Variants in EXD3 observed in about 807,000 individuals in gnomAD.
EXD3 encodes exonuclease 3'-5' domain containing 3, also known as exonuclease mut-7 homolog.
Under a neutral mutation model 98.0 loss-of-function variants are expected in EXD3, and 92 were observed. The observed-to-expected ratio is 0.94, with a 90% CI of 0.79 to 1.12. EXD3 has a LOEUF of 1.12. Ranked by LOEUF, EXD3 falls within the 50% of genes most tolerant of loss-of-function variation. The probability of loss-of-function intolerance (pLI) is 0.00; values close to 1 mark genes in which losing one functional copy is unlikely to be tolerated. For missense variants in EXD3, 1,222 were observed against 1,191.6 expected (o/e 1.03, Z -0.38); for synonymous variants, 569 against 526.0 (o/e 1.08, Z -1.12).
intron 2 of EXD3, among the ~76,000 whole-genome samples, chr9:137,383,911 G>T (rs192162462): frequency 6.6e-6 from 1 of 152,076 alleles, no homozygotes; most frequent in East Asian, 1.9e-4. Context: ...TGCCCCACAC[G>T]GACAGGGCCA....
chr9:137,350,009 C>G (rs1037522778), intron 14 of EXD3, among the ~76,000 whole-genome samples: 3 of 96,626 alleles, frequency 3.1e-5, no homozygotes, highest in Non-Finnish European at 6.1e-5. Flanking sequence ...GTGGGGATCA[C>G]GGGGAAGGTG....
intron 2 of EXD3, among the ~76,000 whole-genome samples, chr9:137,394,007 G>A (rs76726272): frequency 2.0e-5 from 3 of 152,176 alleles, no homozygotes; most frequent in South Asian, 4.1e-4. Flanking sequence ...CACTGGGGCC[G>A]AGCCCCTGCC....
chr9:137,356,614 T>C (rs1834804559), intron 7 of EXD3, among the ~76,000 whole-genome samples: 1 of 152,174 alleles, frequency 6.6e-6, no homozygotes, highest in Admixed American at 6.6e-5. Flanking sequence ...GATTGTTGAC[T>C]TCTGGGTATT....
intron 17 of EXD3, among the ~76,000 whole-genome samples, chr9:137,325,019 A>C (rs1588250645): frequency 6.6e-6 from 1 of 152,248 alleles, no homozygotes; most frequent in East Asian, 1.9e-4. Context: ...GCTTACAAGA[A>C]AACTCCAGAT....
chr9:137,322,409 G>C (rs1832084003), intron 19 of EXD3, among the ~76,000 whole-genome samples: 1 of 145,508 alleles, frequency 6.9e-6, no homozygotes, highest in Non-Finnish European at 1.5e-5. Flanking sequence ...TCTCACCCCA[G>C]ACCCACGAGG....
intron 17 of EXD3, among the ~76,000 whole-genome samples, chr9:137,326,977 G>A (rs1452974958): frequency 6.6e-6 from 1 of 151,750 alleles, no homozygotes; most frequent in Non-Finnish European, 1.5e-5. Flanking sequence ...AAACCCTTAC[G>A]ACACGCCGAG....
rs192876046 is a variant in EXD3, at chr9:137,323,499, A to C, written c.2184+226T>G. Among the ~76,000 whole-genome samples, 31 of 72,316 alleles carry C rather than the reference A, an allele frequency of 4.3e-4. 1 individual carries two copies. Among genetic ancestry groups the C allele is most frequent in the Admixed American group, 5.7e-4 (4 of 6,986 alleles). 47.4% of individuals were successfully genotyped at this position (72,316 alleles called of 152,430 possible). A position where few individuals can be genotyped will look rare whatever the true frequency, so the allele number is the denominator to read the frequency against. On this transcript the variant is annotated intron_variant, in intron 19 of 21. Coordinates refer to ENST00000340951, the MANE Select transcript of EXD3 (RefSeq NM_017820.5). ...CCCCACCCCGGACCCACGAGGGATG[A>C]TCTGCCGACACCTCACCCCGGACCC... is the stretch of plus-strand genomic sequence containing the variant.
At position 137,393,213 on chromosome 9, in the gene EXD3, A is replaced by C; in HGVS notation, c.55+2090T>G. ...ATCCCACTCTGCTTAGGTGGAGAAG[A>C]GGCTGTAGAAGCCTGTGGGTGCCTG... On this transcript the variant is annotated intron_variant, in intron 2 of 21. Coordinates refer to ENST00000340951, the MANE Select transcript of EXD3 (RefSeq NM_017820.5). The surrounding 1 kb of genome is among the most constrained non-coding windows in gnomAD (Gnocchi z 4.6). 1 of 702,618 alleles carries C rather than the reference A, an allele frequency of 1.4e-6. No homozygotes were observed. The highest frequency in any genetic ancestry group is 2.6e-6 in the Non-Finnish European group (1 of 384,888). 43.5% of individuals were successfully genotyped at this position (702,618 alleles called of 1,614,324 possible). A position where few individuals can be genotyped will look rare whatever the true frequency, so the allele number is the denominator to read the frequency against.
chr9:137,394,956 C>A (rs988575886), intron 2 of EXD3, among the ~76,000 whole-genome samples: 2 of 152,104 alleles, frequency 1.3e-5, no homozygotes, highest in African/African-American at 4.8e-5. Context: ...CCGCCTGGCT[C>A]CCCGAGGGAC....
chr9:137,408,214 T>G (rs1233021095), intron 1 of EXD3, among the ~76,000 whole-genome samples: 1 of 152,006 alleles, frequency 6.6e-6, no homozygotes, highest in African/African-American at 2.4e-5. Context: ...TGGCCGGCCC[T>G]GCACGTGCCC....
In EXD3 at chr9:137,309,714, G is replaced by C. The variant is rs770956168; in HGVS notation, c.2185-14C>G. 82 of 1,546,772 alleles carry C rather than the reference G, an allele frequency of 5.3e-5. No homozygotes were observed. Among genetic ancestry groups the C allele is most frequent in the Admixed American group, 2.0e-4 (10 of 51,110 alleles). On this transcript the variant is annotated splice_polypyrimidine_tract_variant and intron_variant, in intron 19 of 21. Transcript: ENST00000340951. ...ACAGTTACAGGCCTGGGGGCCAGAG[G>C]GGGTGCTGAGGCCCAGGCGGGGCTT... is the stretch of plus-strand genomic sequence containing the variant.
rs1246481225 is a variant in EXD3 at position 137,351,463 on chromosome 9, C to G, written c.1239G>C (p.Arg413=). Reference sequence around the variant, plus strand: ...CCACGGCCACCTGCAGGAGTGACGGCCGAGGCCGGCCCCCAGCAACAAACA... The same window carrying G: ...CCACGGCCACCTGCAGGAGTGACGGGCGAGGCCGGCCCCCAGCAACAAACA... ...TPVFVAGGRP[R]PSLLQVAVEG... The change falls in exon 13 of 22, where the codon CGG becomes CGC. Residue 413 remains arginine, a synonymous_variant. Transcript: ENST00000340951. 6.2e-7 allele frequency: 1 copy of G among 1,601,088 alleles called. No individual in the cohort carries two copies. Among genetic ancestry groups the G allele is most frequent in the Non-Finnish European group, 8.5e-7 (1 of 1,175,414 alleles).
chr9:137,322,371 C>T (rs996784058), intron 19 of EXD3, among the ~76,000 whole-genome samples: 4 of 151,726 alleles, frequency 2.6e-5, no homozygotes, highest in Admixed American at 6.6e-5. Context: ...CACCTCACCC[C>T]GGACCCACAA....
intron 4 of EXD3, 112 bp downstream of exon 4, chr9:137,373,309 CCCCTT>C: frequency 7.7e-7 from 1 of 1,301,958 alleles, no homozygotes; most frequent in Non-Finnish European, 1.1e-6. Context: ...GCATCCCCCT[CCCCTT>C]CCCTGGCTTG....
At chr9:137,350,656 A>G (rs1340045901) in intron 14 of EXD3, among the ~76,000 whole-genome samples, 1 of 81,732 alleles carries the variant, frequency 1.2e-5, no homozygotes, top group Non-Finnish European at 2.4e-5. Context: ...TTCTAGATAG[A>G]GAGGGGTGGG....
At chr9:137,311,423 G>C (rs1303644503) in intron 19 of EXD3, among the ~76,000 whole-genome samples, 2 of 152,242 alleles carry the variant, frequency 1.3e-5, no homozygotes, top group Non-Finnish European at 2.9e-5. Flanking sequence ...TAGGGACAGT[G>C]CCAGTGGGTG....
At position 137,366,525 on chromosome 9, in the gene EXD3, G is replaced by C. The variant is rs1195639805; in HGVS notation, c.624C>G (p.Cys208Trp). The C allele has an allele frequency of 3.2e-6, 5 of 1,551,048 alleles. No homozygotes were observed. The highest frequency in any genetic ancestry group is 4.4e-6 in the Non-Finnish European group (5 of 1,147,410). ...RRLLVLMDSW[C>W]QPGFDIKDVA... ...CGTCCTTGATGTCAAAGCCGGGCTG[G>C]CACCAGGAATCCATGAGGACCAGCA... Residue 208 changes from cysteine (C) to tryptophan (W), a missense_variant, in exon 7 of 22, where the codon TGC becomes TGG. Cys to Trp is a radical substitution (Grantham distance 215). Transcript: ENST00000340951.
chr9:137,353,110 C>T (rs932270310), intron 10 of EXD3: 35 of 1,199,352 alleles, frequency 2.9e-5, no homozygotes, highest in East Asian at 2.3e-4. Context: ...TCCAAGCCTC[C>T]GCTGACCTTC....
At position 137,400,043 on chromosome 9, in the gene EXD3, A is replaced by G. The variant is rs977887645; in HGVS notation, c.-47-4639T>C. Reference sequence around the variant, plus strand: ...GAACTCCATCTCAAAAAAAAAAAAAAAAAAAGAAAATGAGGAAGAAGCAAA... The same window carrying G: ...GAACTCCATCTCAAAAAAAAAAAAAGAAAAAGAAAATGAGGAAGAAGCAAA... On this transcript the variant is annotated intron_variant, in intron 1 of 21. Coordinates refer to ENST00000340951, the MANE Select transcript of EXD3 (RefSeq NM_017820.5). 3.9e-5 allele frequency among the ~76,000 whole-genome samples: 6 copies of G among 152,050 alleles called. No homozygotes were observed. The South Asian group carries it at 8.3e-4, about 21-fold the overall frequency.
Sources: gnomAD v4.1 joint callset for allele counts (sites outside exome capture counted in the v4.1 genomes callset) on GRCh38, gnomAD v4.1.1 for gene constraint, Gnocchi (gnomAD v3.1) non-coding constraint, MANE v1.5 for transcripts, NCBI Gene and HGNC (gene_info 2026-07-23, HGNC 2026-07-21) for gene names.